Variants in NAV2 observed in about 807,000 individuals in gnomAD.
NAV2 encodes the protein neuron navigator 2.
In NAV2, 54 loss-of-function variants were observed where a neutral mutation model predicts 223.2. The ratio of observed to expected loss-of-function variants is 0.24; its 90% CI spans 0.19 to 0.30. The LOEUF is 0.30. Among genes scored for constraint, NAV2 ranks in the 10% least tolerant of loss-of-function variants. NAV2 has a pLI of 1.00. For synonymous variants in NAV2, 1,279 were observed against 1,239.3 expected (o/e 1.03, Z -0.67); for missense variants, 2,806 against 3,147.5 (o/e 0.89, Z 2.60).
chr11:19,354,938 A>C (rs1221825675), intron 1 of NAV2, among the ~76,000 whole-genome samples: 1 of 152,198 alleles, frequency 6.6e-6, no homozygotes, highest in African/African-American at 2.4e-5. Flanking sequence ...CCTGGGTGCC[A>C]CATATAGATG....
intron 2 of NAV2, among the ~76,000 whole-genome samples, chr11:19,841,513 A>C (rs2060510650): frequency 6.6e-6 from 1 of 152,192 alleles, no homozygotes; most frequent in South Asian, 2.1e-4. Context: ...ATTGAGCTCA[A>C]AGGATACAGA....
chr11:19,522,265 C>CA (rs56081633), intron 1 of NAV2, among the ~76,000 whole-genome samples: 64,599 of 152,034 alleles, frequency 0.42, 14,238 homozygotes, highest in African/African-American at 0.53. Flanking sequence ...GCACCCCTCA[C>CA]AAGGCATTCG....
intron 1 of NAV2, among the ~76,000 whole-genome samples, chr11:19,803,119 G>A (rs1458762555): frequency 6.6e-6 from 1 of 152,126 alleles, no homozygotes; most frequent in Admixed American, 6.5e-5. Context: ...GCTGTGGGAG[G>A]AGGCTGCCAA....
chr11:19,748,055 G>T (rs1382283820), intron 1 of NAV2, among the ~76,000 whole-genome samples: 3 of 152,224 alleles, frequency 2.0e-5, no homozygotes, highest in Non-Finnish European at 4.4e-5. Flanking sequence ...CCTTGTCCAG[G>T]CTTTGTGGGG....
At chr11:19,970,237 C>T in intron 10 of NAV2, among the ~76,000 whole-genome samples, 1 of 152,160 alleles carries the variant, frequency 6.6e-6, no homozygotes, top group Non-Finnish European at 1.5e-5. Context: ...GGCATGATCT[C>T]AGCTCACTGC....
At chr11:19,397,426 T>A (rs1458193977) in intron 1 of NAV2, among the ~76,000 whole-genome samples, 1 of 113,008 alleles carries the variant, frequency 8.8e-6, no homozygotes, top group Non-Finnish European at 2.0e-5. Flanking sequence ...TGTGCGCGCA[T>A]GTGTGTGTAG....
At chr11:19,523,459 AT>A (rs984785332) in intron 1 of NAV2, among the ~76,000 whole-genome samples, 4 of 152,186 alleles carry the variant, frequency 2.6e-5, no homozygotes, top group Non-Finnish European at 1.5e-5. Context: ...TCATGTCATC[AT>A]TGATTTGGTG....
chr11:19,959,868 C>A (rs538748112), intron 10 of NAV2, among the ~76,000 whole-genome samples: 43 of 150,922 alleles, frequency 2.8e-4, no homozygotes, highest in African/African-American at 9.6e-4. Context: ...GCTCCTTCTT[C>A]CCCCCCCACC....
At chr11:19,600,646 G>T (rs933623277) in intron 1 of NAV2, among the ~76,000 whole-genome samples, 22 of 152,278 alleles carry the variant, frequency 1.4e-4, no homozygotes, top group African/African-American at 5.3e-4. Context: ...GGGTTTCTTA[G>T]CTTCCTTGAG....
chr11:19,818,459 G>A (rs2059218196), intron 1 of NAV2, among the ~76,000 whole-genome samples: 1 of 151,620 alleles, frequency 6.6e-6, no homozygotes, highest in African/African-American at 2.4e-5. Flanking sequence ...AGATATAATA[G>A]GTGTAAATAA....
intron 11 of NAV2, among the ~76,000 whole-genome samples, chr11:20,003,242 A>G (rs915984461): frequency 1.3e-5 from 2 of 152,204 alleles, no homozygotes; most frequent in African/African-American, 4.8e-5. Context: ...ACATTAACTT[A>G]CATCATAACC....
At chr11:19,385,403 T>C (rs1178021819) in intron 1 of NAV2, among the ~76,000 whole-genome samples, 4 of 152,226 alleles carry the variant, frequency 2.6e-5, no homozygotes, top group Non-Finnish European at 5.9e-5. Context: ...ATAAAGACAG[T>C]TCGCAAAAGG....
At position 20,044,128 on chromosome 11, in the gene NAV2, T is replaced by A. The variant is rs1161498866; in HGVS notation, c.3055T>A (p.Ser1019Thr). 1.2e-6 allele frequency: 2 copies of A among 1,614,124 alleles called. No homozygotes were observed. Among genetic ancestry groups the A allele is most frequent in the Non-Finnish European group, 1.7e-6 (2 of 1,180,020 alleles). Reference protein sequence around the residue: ...RRNPSDVSDESDKSTSGKKNP... With the variant: ...RRNPSDVSDETDKSTSGKKNP... ...GAATCCTTCTGATGTGTCTGACGAG[T>A]CCGACAAAAGCACGTCGGGCAAGAA... Residue 1019 changes from serine (S) to threonine (T), a missense_variant, in exon 13 of 38, where the codon TCC becomes ACC. By Grantham distance (58) the Ser-to-Thr change is moderately conservative. Coordinates refer to ENST00000349880, the MANE Select transcript of NAV2 (RefSeq NM_145117.5).
At chr11:19,718,443 G>C (rs1322053782) in intron 1 of NAV2, among the ~76,000 whole-genome samples, 1 of 152,204 alleles carries the variant, frequency 6.6e-6, no homozygotes, top group African/African-American at 2.4e-5. Context: ...AGAAGTGATT[G>C]AACTTCTCTG....
rs201789875 is a variant in NAV2, at chr11:19,933,834, C to T, written c.1590C>T (p.Pro530=). 5.7e-5 allele frequency: 91 copies of T among 1,609,206 alleles called. No homozygotes were observed. Among genetic ancestry groups the T allele is most frequent in the Non-Finnish European group, 7.2e-5 (85 of 1,178,762 alleles). ...AAGACCCCAGTGGAGCAGCTGTGCCCGAGATGCCAAAAAAGTCCTCCAAGA... is the reference window on the plus strand; with the variant it reads ...AAGACCCCAGTGGAGCAGCTGTGCCTGAGATGCCAAAAAAGTCCTCCAAGA... ...PKEDPSGAAV[P]EMPKKSSKIA... The change falls in exon 7 of 38, where the codon CCC becomes CCT. Residue 530 remains proline, a synonymous_variant. Transcript: ENST00000349880. This position sits in a 1 kb window ranked among gnomAD's most constrained non-coding sequence, Gnocchi z 4.3.
intron 1 of NAV2, among the ~76,000 whole-genome samples, chr11:19,460,639 G>C (rs1340743377): frequency 2.4e-4 from 31 of 130,948 alleles, no homozygotes; most frequent in African/African-American, 9.0e-4. Context: ...TCACACACTG[G>C]GGCCTGTCGT....
At chr11:19,808,121 T>A (rs1158885208) in intron 1 of NAV2, among the ~76,000 whole-genome samples, 1 of 152,214 alleles carries the variant, frequency 6.6e-6, no homozygotes, top group East Asian at 1.9e-4. Context: ...ATTGTGAGGA[T>A]TAAATGTGGC....
At chr11:19,512,679 C>G (rs2729877) in intron 1 of NAV2, among the ~76,000 whole-genome samples, 120,548 of 152,114 alleles carry the variant, frequency 0.79, 48,707 homozygotes, top group Non-Finnish European at 0.88. Flanking sequence ...TCCTGTTTCA[C>G]CCTTTGCCAG....
Position 19,763,967 on chromosome 11 carries a change from C to T in NAV2, c.267+50005C>T, listed in dbSNP as rs139899450. ...TAAAAATCCCAGTTAGTGGGTCTGA[C>T]TGGAAATTGAGCAGAAATAAGCTAA... On this transcript the variant is annotated intron_variant, in intron 1 of 37. Coordinates refer to ENST00000349880, the MANE Select transcript of NAV2 (RefSeq NM_145117.5). 4.8e-3 allele frequency among the ~76,000 whole-genome samples: 726 copies of T among 152,168 alleles called. 2 individuals carry two copies. Among genetic ancestry groups the T allele is most frequent in the African/African-American group, 0.017 (691 of 41,520 alleles).
Sources: gnomAD v4.1 joint callset for allele counts (sites outside exome capture counted in the v4.1 genomes callset) on GRCh38, gnomAD v4.1.1 for gene constraint, Gnocchi (gnomAD v3.1) non-coding constraint, MANE v1.5 for transcripts, NCBI Gene and HGNC (gene_info 2026-07-23, HGNC 2026-07-21) for gene names.